RPL28: variants seen among roughly 807,000 people sequenced by gnomAD.
The protein encoded by RPL28 is ribosomal protein L28.
Under a neutral mutation model 12.5 loss-of-function variants are expected in RPL28, and 4 were observed. The observed-to-expected ratio is 0.32, with a 90% CI of 0.16 to 0.73. RPL28 has a LOEUF of 0.73. RPL28 is among the 30% of genes least tolerant of loss of function. The pLI is 0.66. For synonymous variants in RPL28, 91 were observed against 72.5 expected, an observed-to-expected ratio of 1.26 and a Z score of -1.30; for missense variants, 214 against 197.7, an observed-to-expected ratio of 1.08 and a Z score of -0.49.
At position 55,389,061 on chromosome 19, in the gene RPL28, T is replaced by G; in HGVS notation, c.*729T>G. ...CTCAGTGGCCGCTCCTGGGCCACCC[T>G]GTCACCCAAGCTTTCCTGATTGCCC... is the stretch of plus-strand genomic sequence containing the variant. On this transcript the variant is annotated 3_prime_UTR_variant, in exon 5 of 5. Transcript: ENST00000344063. The G allele has an allele frequency of 6.1e-6, 6 of 985,396 alleles. No homozygotes were observed. The highest frequency in any genetic ancestry group is 5.2e-4 in the Middle Eastern group (1 of 1,936). 61.0% of individuals were successfully genotyped at this position (985,396 alleles called of 1,614,324 possible).
chr19:55,398,939 T>G (rs1333453595), intron 4 of RPL28, among the ~76,000 whole-genome samples: 1 of 152,172 alleles, frequency 6.6e-6, no homozygotes, highest in Admixed American at 6.5e-5. Context: ...CAACGTGAAG[T>G]GGTCCACCAG....
rs1167598176 is a variant in RPL28 at position 55,390,800 on chromosome 19, T to C, written c.*2468T>C. 5.1e-6 allele frequency: 5 copies of C among 985,204 alleles called. No individual in the cohort carries two copies. The highest frequency in any genetic ancestry group is 6.0e-6 in the Non-Finnish European group (5 of 829,888). 61.0% of individuals were successfully genotyped at this position (985,204 alleles called of 1,614,324 possible). A position where few individuals can be genotyped will look rare whatever the true frequency, so the allele number is the denominator to read the frequency against. ...CAGGAGAGGGCTGGAGGGAGGGAGA[T>C]GGTCTCAGCCCCACAGAGTTTGGAG... On this transcript the variant is annotated 3_prime_UTR_variant, in exon 5 of 5. Transcript: ENST00000344063.
chr19:55,401,089 G>C (rs1378863331), intron 4 of RPL28: 2 of 309,460 alleles, frequency 6.5e-6, no homozygotes, highest in African/African-American at 2.2e-5. Flanking sequence ...TCCAAAGAGG[G>C]GTTGTGACCG....
chr19:55,402,256 AG>A (rs1467650545), intron 4 of RPL28, among the ~76,000 whole-genome samples: 1 of 152,180 alleles, frequency 6.6e-6, no homozygotes, highest in Non-Finnish European at 1.5e-5. Flanking sequence ...TGGACTCTAA[AG>A]CTCCCCATCT....
intron 3 of RPL28, 24 bp downstream of exon 3, chr19:55,386,717 A>G (rs778844105): frequency 1.9e-6 from 3 of 1,613,378 alleles, no homozygotes; most frequent in Non-Finnish European, 1.7e-6. Context: ...GGTTTGGGCC[A>G]GAGAGCGGCC....
chr19:55,401,597 C>T (rs774238958), intron 4 of RPL28: 19 of 1,607,758 alleles, frequency 1.2e-5, no homozygotes, highest in Non-Finnish European at 1.5e-5. Flanking sequence ...CTGGCCAGGG[C>T]CCGACCGGCT....
chr19:55,395,597 C>T (rs1452148702), downstream of RPL28, among the ~76,000 whole-genome samples: 24 of 152,122 alleles, frequency 1.6e-4, no homozygotes, highest in Middle Eastern at 3.4e-3. Flanking sequence ...GCGCCCACCA[C>T]CACACCCGGC....
At chr19:55,398,456 C>T (rs2123301524) in intron 4 of RPL28, among the ~76,000 whole-genome samples, 1 of 152,348 alleles carries the variant, frequency 6.6e-6, no homozygotes, top group African/African-American at 2.4e-5. Flanking sequence ...TAGTGCTCCG[C>T]CACCTTGCCA....
chr19:55,401,663 C>T, intron 4 of RPL28: 1 of 1,610,644 alleles, frequency 6.2e-7, no homozygotes, highest in Non-Finnish European at 8.5e-7. Context: ...AGCAGACGGG[C>T]CCGAGCCGCA....
rs1306576879 is a variant in RPL28 at position 55,388,927 on chromosome 19, C to T, written c.*595C>T. 5.1e-6 allele frequency: 5 copies of T among 985,398 alleles called. No homozygotes were observed. Among genetic ancestry groups the T allele is most frequent in the East Asian group, 1.1e-4 (1 of 8,832 alleles). The allele number at this position is 985,398 out of a possible 1,614,324, so 61.0% of individuals were successfully genotyped here. On this transcript the variant is annotated 3_prime_UTR_variant, in exon 5 of 5. Transcript: ENST00000344063. Reference sequence around the variant, plus strand: ...TAAGGGAGATGGCAGCCCCAGGGTACAGCCAGCAGGCATTGAGCAGCCTTA... The same window carrying T: ...TAAGGGAGATGGCAGCCCCAGGGTATAGCCAGCAGGCATTGAGCAGCCTTA...
Position 55,402,371 on chromosome 19 carries a change from C to G in RPL28, c.325-572C>G, listed in dbSNP as rs2090066287. 2.0e-5 allele frequency among the ~76,000 whole-genome samples: 3 copies of G among 152,230 alleles called. 1 individual carries two copies. The South Asian group carries it at 6.2e-4, about 31-fold the overall frequency. The stretch of plus-strand genomic sequence containing the variant: ...GGACCACACACAAGAGGGCAAGACA[C>G]CAGGACTGCTGGCTGAGGTGCACTT... On this transcript the variant is annotated intron_variant, in intron 4 of 4. Transcript: ENST00000560055.
chr19:55,396,869 G>C (rs142481703), downstream of RPL28, among the ~76,000 whole-genome samples: 1,441 of 148,838 alleles, frequency 9.7e-3, 10 homozygotes, highest in Non-Finnish European at 0.015. Context: ...TGTGAGCCAC[G>C]GTGCCTGGCC....
chr19:55,395,789 C>T (rs1435803192), downstream of RPL28, among the ~76,000 whole-genome samples: 1 of 152,110 alleles, frequency 6.6e-6, no homozygotes, highest in Non-Finnish European at 1.5e-5. Flanking sequence ...GAAATGGCTC[C>T]CTTTCATTCT....
chr19:55,390,399 T>A lies in RPL28; in HGVS notation c.*2067T>A. ...ATTGTATTTTTAGCAGAGATGGGGTTTCACCATTTTGCCCAGGCTGGTTTG... is the reference window on the plus strand; with the variant it reads ...ATTGTATTTTTAGCAGAGATGGGGTATCACCATTTTGCCCAGGCTGGTTTG... On this transcript the variant is annotated 3_prime_UTR_variant, in exon 5 of 5. Coordinates refer to ENST00000344063, the MANE Select transcript of RPL28 (RefSeq NM_000991.5). 1.1e-6 allele frequency: 1 copy of A among 894,354 alleles called. No individual in the cohort carries two copies. The highest frequency in any genetic ancestry group is 1.3e-6 in the Non-Finnish European group (1 of 747,444). 55.4% of individuals were successfully genotyped at this position (894,354 alleles called of 1,614,324 possible). A position where few individuals can be genotyped will look rare whatever the true frequency, so the allele number is the denominator to read the frequency against.
downstream of RPL28, among the ~76,000 whole-genome samples, chr19:55,395,694 T>C (rs373059569): frequency 0.015 from 2,323 of 151,474 alleles, 24 homozygotes; most frequent in Middle Eastern, 0.032. Context: ...CTGCCCACCT[T>C]GGCCTCCCAA....
downstream of RPL28, among the ~76,000 whole-genome samples, chr19:55,396,823 G>A (rs62128193): frequency 0.14 from 21,192 of 150,656 alleles, 1,925 homozygotes; most frequent in Non-Finnish European, 0.21. Context: ...CTTGTGATCC[G>A]CCCGCCTTGG....
At chr19:55,399,177 T>C (rs909583416) in intron 4 of RPL28, among the ~76,000 whole-genome samples, 1 of 144,916 alleles carries the variant, frequency 6.9e-6, no homozygotes, top group Non-Finnish European at 1.5e-5. Context: ...TTTTCTTTTC[T>C]TTTCTTTGAG....
In RPL28 at chr19:55,390,173, T is replaced by C. The variant is rs1374077290; in HGVS notation, c.*1841T>C. On this transcript the variant is annotated 3_prime_UTR_variant, in exon 5 of 5. Coordinates refer to ENST00000344063, the MANE Select transcript of RPL28 (RefSeq NM_000991.5). ...TGCTTGATGAATGGTGCATATTGAA[T>C]GTATAAAGCCCACCGGTCCTGAGAG... 7 of 985,290 alleles carry C rather than the reference T, an allele frequency of 7.1e-6. No individual in the cohort carries two copies. The African/African-American group carries it at 1.0e-4, about 15-fold the overall frequency. 61.0% of individuals were successfully genotyped at this position (985,290 alleles called of 1,614,324 possible).
At position 55,401,523 on chromosome 19, in the gene RPL28, G is replaced by A. The variant is rs200147639; in HGVS notation, c.325-1420G>A. 1,675 of 1,610,410 alleles carry A rather than the reference G, an allele frequency of 1.0e-3. 2 individuals carry two copies. The highest frequency in any genetic ancestry group is 3.8e-3 in the East Asian group (170 of 44,848). On this transcript the variant is annotated intron_variant, in intron 4 of 4. Coordinates refer to the RPL28 transcript ENST00000560055. The stretch of plus-strand genomic sequence containing the variant: ...GCTCGCCAGCATGCTTCTTGGCCAT[G>A]GGACCCTCAGCCCCTCCCGGGCCCC...
Sources: gnomAD v4.1 joint callset for allele counts (sites outside exome capture counted in the v4.1 genomes callset) on GRCh38, gnomAD v4.1.1 for gene constraint, MANE v1.5 for transcripts, NCBI Gene and HGNC (gene_info 2026-07-23, HGNC 2026-07-21) for gene names.